PBX1: variants seen among roughly 807,000 people sequenced by gnomAD.
PBX1 encodes the protein pre-B-cell leukemia transcription factor 1.
PBX1 carries 6 observed loss-of-function variants against 53.4 expected under a neutral mutation model. The observed-to-expected ratio is 0.11, with a 90% CI of 0.06 to 0.22. PBX1 has a LOEUF of 0.22. Ranked by LOEUF, PBX1 falls within the 10% of genes least tolerant of loss-of-function variation. The probability of loss-of-function intolerance (pLI) is 1.00; values close to 1 mark genes in which losing one functional copy is unlikely to be tolerated. For synonymous variants in PBX1, 204 were observed against 212.3 expected, an observed-to-expected ratio of 0.96 and a Z score of 0.34; for missense variants, 251 against 551.4, an observed-to-expected ratio of 0.46 and a Z score of 5.46.
In PBX1 at chr1:164,827,066, G is replaced by A. The variant is rs183615812; in HGVS notation, c.1200+5440G>A. Among the ~76,000 whole-genome samples the A allele has an allele frequency of 1.2e-4, 19 of 152,218 alleles. No individual in the cohort carries two copies. In the East Asian group the frequency reaches 3.7e-3, roughly 29 times the overall value. ...TATATAAATCATTAGGACAAAAATA[G>A]CCTCCTATTTAAATGAACATATTTC... On this transcript the variant is annotated intron_variant, in intron 8 of 8. Coordinates refer to ENST00000420696, the MANE Select transcript of PBX1 (RefSeq NM_002585.4).
chr1:164,632,559 A>T (rs1658477156), intron 2 of PBX1, among the ~76,000 whole-genome samples: 1 of 152,174 alleles, frequency 6.6e-6, no homozygotes, highest in African/African-American at 2.4e-5. Flanking sequence ...TAATTTCAGG[A>T]ATTACAGATG....
chr1:164,744,132 A>G (rs1665768948), intron 2 of PBX1, among the ~76,000 whole-genome samples: 1 of 152,188 alleles, frequency 6.6e-6, no homozygotes, highest in Non-Finnish European at 1.5e-5. Context: ...GGGTGATGGC[A>G]TAATTTCAGG....
At position 164,567,958 on chromosome 1, in the gene PBX1, G is replaced by A. The variant is rs567768082; in HGVS notation, c.265+4647G>A. 5.9e-5 allele frequency among the ~76,000 whole-genome samples: 9 copies of A among 152,252 alleles called. No individual in the cohort carries two copies. In the East Asian group the frequency reaches 1.5e-3, roughly 26 times the overall value. On this transcript the variant is annotated intron_variant, in intron 2 of 8. Coordinates refer to ENST00000420696, the MANE Select transcript of PBX1 (RefSeq NM_002585.4). The stretch of plus-strand genomic sequence containing the variant: ...GCATTGAGCTGGGCCGGGTGTGGGT[G>A]GGTTCTGTACAGTAGGCTGCACTGT...
intron 8 of PBX1, among the ~76,000 whole-genome samples, chr1:164,843,550 GGGGGAGTGGAAAAAA>G (rs1671411814): frequency 6.6e-6 from 1 of 151,886 alleles, no homozygotes. Context: ...TATGGTTGGA[GGGGGAGTGGAAAAAA>G]GGGGAGTGAA....
At chr1:164,764,748 C>T (rs1487836109) in intron 2 of PBX1, among the ~76,000 whole-genome samples, 2 of 152,140 alleles carry the variant, frequency 1.3e-5, no homozygotes, top group African/African-American at 4.8e-5. Flanking sequence ...GCCCACAAAT[C>T]TATATATATA....
chr1:164,663,721 A>G (rs1571175470), intron 2 of PBX1, among the ~76,000 whole-genome samples: 1 of 152,222 alleles, frequency 6.6e-6, no homozygotes, highest in East Asian at 1.9e-4. Context: ...TCATAGTCCT[A>G]TGCAAATAAT....
intron 2 of PBX1, among the ~76,000 whole-genome samples, chr1:164,576,123 CT>C (rs1386236104): frequency 2.0e-5 from 3 of 152,232 alleles, no homozygotes; most frequent in African/African-American, 7.2e-5. Context: ...CAAAATAAAA[CT>C]TTTGGAACCA....
intron 8 of PBX1, among the ~76,000 whole-genome samples, chr1:164,836,620 C>T (rs1031986281): frequency 1.3e-5 from 2 of 152,160 alleles, no homozygotes; most frequent in East Asian, 3.9e-4. Flanking sequence ...ACTCCGTTCT[C>T]GTACATTCTT....
chr1:164,844,779 A>G (rs1671485643), intron 8 of PBX1, among the ~76,000 whole-genome samples: 1 of 152,200 alleles, frequency 6.6e-6, no homozygotes, highest in Non-Finnish European at 1.5e-5. Context: ...TAGGAATTTG[A>G]ATGAATTCTG....
At chr1:164,794,642 A>G (rs1159740666) in intron 3 of PBX1, among the ~76,000 whole-genome samples, 1 of 152,214 alleles carries the variant, frequency 6.6e-6, no homozygotes, top group African/African-American at 2.4e-5. Flanking sequence ...TTCCCCAACC[A>G]TGACCATCAT....
intron 2 of PBX1, among the ~76,000 whole-genome samples, chr1:164,718,377 A>G (rs142243534): frequency 6.6e-6 from 1 of 152,296 alleles, no homozygotes; most frequent in African/African-American, 2.4e-5. Flanking sequence ...CAGTTGTATC[A>G]CATTTAGGAA....
intron 2 of PBX1, among the ~76,000 whole-genome samples, chr1:164,881,230 T>C (rs1672639468): frequency 6.6e-6 from 1 of 151,012 alleles, no homozygotes; most frequent in African/African-American, 2.4e-5. Context: ...CCCCCCATAG[T>C]ATAAAAGCCA....
chr1:164,648,090 C>T (rs112165405), intron 2 of PBX1, among the ~76,000 whole-genome samples: 8,332 of 152,096 alleles, frequency 0.055, 786 homozygotes, highest in African/African-American at 0.19. Context: ...GCTGGGATTG[C>T]AGGCGTGAGC....
At chr1:164,812,558 A>G (rs925912793) in intron 6 of PBX1, among the ~76,000 whole-genome samples, 8 of 152,230 alleles carry the variant, frequency 5.3e-5, no homozygotes, top group African/African-American at 1.9e-4. Flanking sequence ...CCAACAACAT[A>G]ATGTCTGGGT....
At chr1:164,808,159 G>A (rs781472825) in intron 5 of PBX1, among the ~76,000 whole-genome samples, 23 of 152,126 alleles carry the variant, frequency 1.5e-4, no homozygotes, top group Non-Finnish European at 2.6e-4. Context: ...TATAACTGAT[G>A]GGAGTGTAGG....
intron 2 of PBX1, among the ~76,000 whole-genome samples, chr1:164,676,657 G>C (rs1661448565): frequency 6.6e-6 from 1 of 152,162 alleles, no homozygotes; most frequent in Non-Finnish European, 1.5e-5. Context: ...CCATTGCCTG[G>C]GTTCAAAGCC....
chr1:164,697,988 C>G (rs949136689), intron 2 of PBX1, among the ~76,000 whole-genome samples: 1 of 152,154 alleles, frequency 6.6e-6, no homozygotes, highest in African/African-American at 2.4e-5. Context: ...TCACTTACCC[C>G]TTTGGTTGGA....
At chr1:164,703,859 A>G (rs1663274215) in intron 2 of PBX1, among the ~76,000 whole-genome samples, 4 of 152,090 alleles carry the variant, frequency 2.6e-5, no homozygotes, top group Admixed American at 1.3e-4. Context: ...CCGAACCACC[A>G]TGTTGAATGG....
chr1:164,852,950 A>C (rs1440141854), downstream of PBX1, among the ~76,000 whole-genome samples: 2 of 152,172 alleles, frequency 1.3e-5, no homozygotes, highest in African/African-American at 4.8e-5. Flanking sequence ...TTAGGGGCTA[A>C]CTCACCCACC....
Sources: gnomAD v4.1 joint callset for allele counts (sites outside exome capture counted in the v4.1 genomes callset) on GRCh38, gnomAD v4.1.1 for gene constraint, MANE v1.5 for transcripts, NCBI Gene and HGNC (gene_info 2026-07-23, HGNC 2026-07-21) for gene names.